DAB1: variants seen among roughly 807,000 people sequenced by gnomAD.
DAB1 encodes disabled homolog 1.
A neutral mutation model predicts 64.6 loss-of-function variants in DAB1; 15 were observed. The ratio of observed to expected loss-of-function variants is 0.23; its 90% CI spans 0.16 to 0.36. The LOEUF (loss-of-function observed/expected upper bound fraction) is 0.36. Among genes scored for constraint, DAB1 ranks in the 10% least tolerant of loss-of-function variants. The pLI is 1.00. For synonymous variants in DAB1, 235 were observed against 251.9 expected, an observed-to-expected ratio of 0.93 and a Z score of 0.64; for missense variants, 596 against 706.7, an observed-to-expected ratio of 0.84 and a Z score of 1.78.
intron 2 of DAB1, among the ~76,000 whole-genome samples, chr1:57,216,997 C>T (rs575378185): frequency 1.3e-5 from 2 of 152,318 alleles, no homozygotes; most frequent in South Asian, 4.1e-4. Context: ...CATCCAGGGA[C>T]TTCATGTCCT....
At position 58,509,742 on chromosome 1, in the gene DAB1, CA is replaced by C. The variant is rs536693852; in HGVS notation, n.108-3534del. 1.2e-3 allele frequency among the ~76,000 whole-genome samples: 184 copies of C among 151,110 alleles called. 1 individual carries two copies. Among genetic ancestry groups the C allele is most frequent in the African/African-American group, 4.4e-3 (180 of 41,264 alleles). On this transcript the variant is annotated intron_variant and non_coding_transcript_variant, in intron 2 of 20. Coordinates refer to the DAB1 transcript ENST00000485760. ...TTTGGGGAAAGATTTACAAAACTGA[CA>C]AGTCGTTAGAGTAAGAAAAAAAAAG...
exon 2 of DAB1, chr1:58,527,335 A>T (rs776954304): frequency 3.4e-6 from 3 of 871,644 alleles, no homozygotes; most frequent in Non-Finnish European, 6.0e-6. Flanking sequence ...TTAAACATAT[A>T]CTAAGAAGAA....
chr1:57,317,298 A>T (rs1433366184), intron 1 of DAB1, among the ~76,000 whole-genome samples: 1 of 152,198 alleles, frequency 6.6e-6, no homozygotes, highest in Admixed American at 6.5e-5. Context: ...CAATACCTTG[A>T]TTGCAGTCTT....
At chr1:58,293,866 C>G (rs938955612) in intron 4 of DAB1, among the ~76,000 whole-genome samples, 7 of 152,188 alleles carry the variant, frequency 4.6e-5, no homozygotes, top group African/African-American at 9.6e-5. Context: ...TTGGTGAAAT[C>G]TGCTTAGCAC....
intron 1 of DAB1, among the ~76,000 whole-genome samples, chr1:57,401,184 T>A (rs908171655): frequency 6.6e-6 from 1 of 152,164 alleles, no homozygotes; most frequent in Admixed American, 6.5e-5. Context: ...TATATTAAGA[T>A]GAAATCTCCC....
At chr1:57,466,799 T>C (rs1040575891) in intron 7 of DAB1, among the ~76,000 whole-genome samples, 3 of 152,162 alleles carry the variant, frequency 2.0e-5, no homozygotes, top group Non-Finnish European at 4.4e-5. Context: ...AGCCAGGGAC[T>C]ACTGTCAACC....
chr1:58,256,617 C>T (rs552194965), intron 4 of DAB1, among the ~76,000 whole-genome samples: 8 of 152,134 alleles, frequency 5.3e-5, no homozygotes, highest in Admixed American at 2.6e-4. Context: ...TTGAATCCTC[C>T]CCAAGGTTCT....
intron 2 of DAB1, among the ~76,000 whole-genome samples, chr1:57,284,164 C>A (rs945739322): frequency 6.6e-6 from 1 of 152,098 alleles, no homozygotes; most frequent in Non-Finnish European, 1.5e-5. Context: ...AAACCTTATG[C>A]ATTTTATGAA....
At chr1:58,075,475 G>A (rs1649579997) in intron 5 of DAB1, among the ~76,000 whole-genome samples, 1 of 152,192 alleles carries the variant, frequency 6.6e-6, no homozygotes, top group African/African-American at 2.4e-5. Flanking sequence ...CCTGTGTCAA[G>A]AAAAAGCCTC....
intron 2 of DAB1, among the ~76,000 whole-genome samples, chr1:57,224,874 C>G (rs974793790): frequency 7.2e-5 from 11 of 152,254 alleles, no homozygotes; most frequent in Admixed American, 4.6e-4. Context: ...AGCCAGGCCC[C>G]CAGACCTCTG....
intron 9 of DAB1, among the ~76,000 whole-genome samples, chr1:57,032,949 T>C (rs1647011103): frequency 6.6e-6 from 1 of 152,204 alleles, no homozygotes; most frequent in Non-Finnish European, 1.5e-5. Context: ...ATTCCTACTA[T>C]ATCATGTTAT....
chr1:57,318,282 T>A (rs1675392958), intron 1 of DAB1, among the ~76,000 whole-genome samples: 1 of 152,134 alleles, frequency 6.6e-6, no homozygotes, highest in Admixed American at 6.5e-5. Context: ...CAATTCAGGT[T>A]TGGTAAAGAA....
intron 5 of DAB1, among the ~76,000 whole-genome samples, chr1:58,045,679 C>T (rs1471836309): frequency 6.6e-6 from 1 of 152,122 alleles, no homozygotes; most frequent in Non-Finnish European, 1.5e-5. Flanking sequence ...AGACTATGTG[C>T]TGAAAGAGGT....
At chr1:58,116,173 T>G (rs766535716) in intron 5 of DAB1, among the ~76,000 whole-genome samples, 48 of 152,194 alleles carry the variant, frequency 3.2e-4, no homozygotes, top group Non-Finnish European at 6.5e-4. Flanking sequence ...AGCTTTAGCT[T>G]TTTCTCCTTC....
At chr1:58,266,938 G>T (rs1296032370) in intron 4 of DAB1, among the ~76,000 whole-genome samples, 2 of 152,086 alleles carry the variant, frequency 1.3e-5, no homozygotes, top group Non-Finnish European at 2.9e-5. Context: ...AATTCAAGTA[G>T]GCTGGGCGCG....
At chr1:58,167,727 A>G (rs1423707792) in intron 4 of DAB1, among the ~76,000 whole-genome samples, 1 of 152,206 alleles carries the variant, frequency 6.6e-6, no homozygotes, top group East Asian at 1.9e-4. Context: ...CAGTGAAACC[A>G]CGAACCCACC....
intron 4 of DAB1, among the ~76,000 whole-genome samples, chr1:58,201,377 T>C (rs997859616): frequency 6.6e-6 from 1 of 152,216 alleles, no homozygotes; most frequent in Non-Finnish European, 1.5e-5. Flanking sequence ...TTCAGAATAC[T>C]GATCTCTGGA....
intron 1 of DAB1, among the ~76,000 whole-genome samples, chr1:58,542,315 C>A (rs1646635075): frequency 6.6e-6 from 1 of 152,182 alleles, no homozygotes; most frequent in Admixed American, 6.5e-5. Context: ...TTTCACAATT[C>A]ATACTGGAGT....
At chr1:58,336,051 A>G (rs1281807613) in intron 4 of DAB1, among the ~76,000 whole-genome samples, 1 of 152,222 alleles carries the variant, frequency 6.6e-6, no homozygotes, top group Non-Finnish European at 1.5e-5. Context: ...CCACCCCCCA[A>G]GAGGAATGTG....
Sources: gnomAD v4.1 joint callset for allele counts (sites outside exome capture counted in the v4.1 genomes callset) on GRCh38, gnomAD v4.1.1 for gene constraint, MANE v1.5 for transcripts, NCBI Gene and HGNC (gene_info 2026-07-23, HGNC 2026-07-21) for gene names.